Variants in HNF4A observed in about 807,000 individuals in gnomAD.
HNF4A encodes hepatocyte nuclear factor 4 alpha.
HNF4A carries 15 observed loss-of-function variants against 52.4 expected under a neutral mutation model. The observed-to-expected ratio is 0.29, with a 90% CI of 0.19 to 0.44. The LOEUF is 0.44. HNF4A is among the 20% of genes least tolerant of loss of function. The probability of loss-of-function intolerance (pLI) is 1.00; values close to 1 mark genes in which losing one functional copy is unlikely to be tolerated. For synonymous variants in HNF4A, 280 were observed against 264.4 expected (o/e 1.06, Z -0.57); for missense variants, 479 against 647.2 (o/e 0.74, Z 2.82).
intron 2 of HNF4A, among the ~76,000 whole-genome samples, chr20:44,406,482 C>T (rs993679899): frequency 6.6e-6 from 1 of 152,202 alleles, no homozygotes; most frequent in Non-Finnish European, 1.5e-5. Context: ...AATACTAAGT[C>T]TTTGTGTGTA....
At chr20:44,409,357 G>A (rs949320246) in intron 3 of HNF4A, among the ~76,000 whole-genome samples, 1 of 152,214 alleles carries the variant, frequency 6.6e-6, no homozygotes, top group African/African-American at 2.4e-5. Flanking sequence ...ACAGTTGGAG[G>A]CAAGAAAAAG....
At chr20:44,360,536 A>C (rs1013211043) in intron 1 of HNF4A, among the ~76,000 whole-genome samples, 5 of 152,078 alleles carry the variant, frequency 3.3e-5, no homozygotes, top group Admixed American at 3.3e-4. Flanking sequence ...TGGATGGACA[A>C]ATGATGTGAT....
At chr20:44,382,062 A>T (rs1046197917) in intron 1 of HNF4A, among the ~76,000 whole-genome samples, 1 of 152,336 alleles carries the variant, frequency 6.6e-6, no homozygotes, top group East Asian at 1.9e-4. Context: ...ATAAGGCTTG[A>T]AGAGCTTATG....
chr20:44,360,599 A>G (rs1250636160), intron 1 of HNF4A, among the ~76,000 whole-genome samples: 1 of 152,180 alleles, frequency 6.6e-6, no homozygotes, highest in Non-Finnish European at 1.5e-5. Context: ...GGGTGGGCTG[A>G]GGTAGCCTGG....
chr20:44,362,854 T>G (rs1423785932), intron 1 of HNF4A, among the ~76,000 whole-genome samples: 1 of 151,584 alleles, frequency 6.6e-6, no homozygotes, highest in African/African-American at 2.4e-5. Flanking sequence ...TTTTTTTTTT[T>G]TTTTTGAGAC....
intron 5 of HNF4A, among the ~76,000 whole-genome samples, chr20:44,415,103 GT>G (rs2063645050): frequency 1.3e-5 from 2 of 152,284 alleles, no homozygotes; most frequent in South Asian, 4.1e-4. Flanking sequence ...TCTAAGACTG[GT>G]TGTCTGCCTA....
intron 1 of HNF4A, among the ~76,000 whole-genome samples, chr20:44,375,201 A>T (rs940976672): frequency 6.6e-6 from 1 of 152,066 alleles, no homozygotes; most frequent in East Asian, 1.9e-4. Flanking sequence ...GTGTCTGTTC[A>T]TGTGCTCTAT....
chr20:44,414,744 C>A (rs1013575027), intron 5 of HNF4A, 82 bp downstream of exon 5: 1 of 1,323,782 alleles, frequency 7.6e-7, no homozygotes, highest in Non-Finnish European at 1.1e-6. Context: ...GGGATATAGC[C>A]GTGGACTGGC....
At chr20:44,407,760 T>TGTGTGTGC (rs1277697613) in intron 3 of HNF4A, among the ~76,000 whole-genome samples, 27 of 138,258 alleles carry the variant, frequency 2.0e-4, no homozygotes, top group African/African-American at 6.8e-4. Flanking sequence ...AGCCACGTTG[T>TGTGTGTGC]GTGTGTGTGT....
At chr20:44,378,802 C>A (rs771298792) in intron 1 of HNF4A, among the ~76,000 whole-genome samples, 19 of 151,168 alleles carry the variant, frequency 1.3e-4, no homozygotes, top group Non-Finnish European at 2.2e-4. Context: ...GCCTGTAATC[C>A]CAGGTACTCA....
chr20:44,404,467 T>C (rs542952103), intron 1 of HNF4A, among the ~76,000 whole-genome samples: 1 of 152,208 alleles, frequency 6.6e-6, no homozygotes, highest in Admixed American at 6.5e-5. Flanking sequence ...TTTCTATGAA[T>C]ACACGTGTGT....
intron 1 of HNF4A, among the ~76,000 whole-genome samples, chr20:44,388,963 A>G (rs1188517481): frequency 6.6e-6 from 1 of 152,200 alleles, no homozygotes; most frequent in Non-Finnish European, 1.5e-5. Context: ...GGGTTCGCGA[A>G]GGTTTGTGAA....
At chr20:44,381,315 C>G (rs1317784864) in intron 1 of HNF4A, among the ~76,000 whole-genome samples, 4 of 135,314 alleles carry the variant, frequency 3.0e-5, no homozygotes, top group Non-Finnish European at 6.1e-5. Context: ...GAGTTTTACT[C>G]TGTCACCCAG....
Position 44,423,902 on chromosome 20 carries a change from C to T in HNF4A, c.893-116C>T, listed in dbSNP as rs532808734. On this transcript the variant is annotated intron_variant, in intron 7 of 9. Coordinates refer to ENST00000316099, the MANE Select transcript of HNF4A (RefSeq NM_000457.6). ...TTGTTGAGGTCCCTGAATCCTTGTG[C>T]CCACACTGCTGAAGACTCCTTGTGT... is the stretch of plus-strand genomic sequence containing the variant. The T allele has an allele frequency of 4.1e-4, 377 of 913,806 alleles. 1 individual carries two copies. The South Asian group carries it at 5.0e-3, about 12-fold the overall frequency. 56.6% of individuals were successfully genotyped at this position (913,806 alleles called of 1,614,324 possible). A position where few individuals can be genotyped will look rare whatever the true frequency, so the allele number is the denominator to read the frequency against.
At chr20:44,362,074 A>G (rs968117619) in intron 1 of HNF4A, among the ~76,000 whole-genome samples, 2 of 152,102 alleles carry the variant, frequency 1.3e-5, no homozygotes, top group African/African-American at 4.8e-5. Flanking sequence ...GTATCTTGAG[A>G]CTTGTCTGGT....
Position 44,416,763 on chromosome 20 carries a change from T to C in HNF4A, c.649-1662T>C, listed in dbSNP as rs7263470. 3.7e-3 allele frequency among the ~76,000 whole-genome samples: 556 copies of C among 152,308 alleles called. 3 individuals are homozygous for C. The highest frequency in any genetic ancestry group is 0.013 in the African/African-American group (526 of 41,558). ...TTCAAATATTTATTGAAGGCTTATT[T>C]TGTGCCAAATATCTTCAGACAAATG... On this transcript the variant is annotated intron_variant, in intron 5 of 9. Coordinates refer to ENST00000316099, the MANE Select transcript of HNF4A (RefSeq NM_000457.6).
chr20:44,393,284 A>G (rs1462999427), intron 1 of HNF4A, among the ~76,000 whole-genome samples: 1 of 152,252 alleles, frequency 6.6e-6, no homozygotes, highest in Non-Finnish European at 1.5e-5. Flanking sequence ...CCCAGATGTC[A>G]TAAGCCACCT....
chr20:44,400,021 A>G (rs2063388437), upstream of HNF4A, among the ~76,000 whole-genome samples: 1 of 152,224 alleles, frequency 6.6e-6, no homozygotes, highest in Non-Finnish European at 1.5e-5. Context: ...ATTGATTGGC[A>G]GCCCTTGAAA....
At chr20:44,387,288 T>TAAAAAAAA (rs537843651) in intron 1 of HNF4A, among the ~76,000 whole-genome samples, 1 of 82,012 alleles carries the variant, frequency 1.2e-5, no homozygotes, top group Non-Finnish European at 2.3e-5. Flanking sequence ...AACTTCATCT[T>TAAAAAAAA]AAAAAAAAAA....
Sources: gnomAD v4.1 joint callset for allele counts (sites outside exome capture counted in the v4.1 genomes callset) on GRCh38, gnomAD v4.1.1 for gene constraint, MANE v1.5 for transcripts, NCBI Gene and HGNC (gene_info 2026-07-23, HGNC 2026-07-21) for gene names.